PLCXD3: variants seen among roughly 807,000 people sequenced by gnomAD.
PLCXD3 encodes phosphatidylinositol specific phospholipase C X domain containing 3.
Under a neutral mutation model 25.5 loss-of-function variants are expected in PLCXD3, and 19 were observed. The observed-to-expected ratio is 0.75, with a 90% CI of 0.52 to 1.09. The LOEUF (loss-of-function observed/expected upper bound fraction) is 1.09, where lower values mean the gene tolerates loss of function less well. PLCXD3 is among the 50% of genes least tolerant of loss of function. The pLI, the probability that PLCXD3 is intolerant of heterozygous loss-of-function variation, is 0.00. For synonymous variants in PLCXD3, 174 were observed against 137.6 expected (o/e 1.26, Z -1.85); for missense variants, 411 against 388.1 (o/e 1.06, Z -0.50).
chr5:41,507,520 A>C (rs1749073164), intron 1 of PLCXD3, among the ~76,000 whole-genome samples: 1 of 152,242 alleles, frequency 6.6e-6, no homozygotes, highest in Non-Finnish European at 1.5e-5. Flanking sequence ...TTACTCTGAA[A>C]CCATTCAAAC....
At chr5:41,455,677 G>T (rs1561278659) in intron 1 of PLCXD3, among the ~76,000 whole-genome samples, 1 of 151,934 alleles carries the variant, frequency 6.6e-6, no homozygotes, top group Non-Finnish European at 1.5e-5. Flanking sequence ...AACATGAAAG[G>T]GCAATCCTAC....
At chr5:41,320,468 A>G (rs973889102) in intron 2 of PLCXD3, among the ~76,000 whole-genome samples, 1 of 152,228 alleles carries the variant, frequency 6.6e-6, no homozygotes, top group Non-Finnish European at 1.5e-5. Context: ...GTGGTTCAAC[A>G]TATGCAAATC....
intron 1 of PLCXD3, among the ~76,000 whole-genome samples, chr5:41,499,927 C>T (rs1394018744): frequency 2.0e-5 from 3 of 151,592 alleles, no homozygotes; most frequent in Non-Finnish European, 4.4e-5. Flanking sequence ...AACTAGATAT[C>T]CACATGAGAA....
intron 2 of PLCXD3, among the ~76,000 whole-genome samples, chr5:41,346,739 G>A (rs991999929): frequency 6.6e-6 from 1 of 152,160 alleles, no homozygotes; most frequent in African/African-American, 2.4e-5. Flanking sequence ...TCATATGGTT[G>A]AACTTACATG....
Position 41,487,986 on chromosome 5 carries a change from A to C in PLCXD3, c.103+22438T>G, listed in dbSNP as rs139906381. ...CAATGTGCAGGTTAGTTACATATGT[A>C]TACATGTGGCATGCTGGTGTACTGC... On this transcript the variant is annotated intron_variant, in intron 1 of 2. Coordinates refer to ENST00000377801, the MANE Select transcript of PLCXD3 (RefSeq NM_001005473.3). 5.4e-3 allele frequency among the ~76,000 whole-genome samples: 813 copies of C among 151,716 alleles called. 4 individuals are homozygous for C. Among genetic ancestry groups the C allele is most frequent in the African/African-American group, 0.018 (739 of 41,284 alleles).
intron 1 of PLCXD3, among the ~76,000 whole-genome samples, chr5:41,430,075 T>C (rs1038520303): frequency 6.6e-6 from 1 of 152,180 alleles, no homozygotes; most frequent in Non-Finnish European, 1.5e-5. Flanking sequence ...ACTTTGCTGC[T>C]TGCTAGATGT....
chr5:41,509,696 A>G (rs1738989851), intron 1 of PLCXD3, among the ~76,000 whole-genome samples: 1 of 152,192 alleles, frequency 6.6e-6, no homozygotes, highest in Non-Finnish European at 1.5e-5. Context: ...CAGTAAACAT[A>G]CGGTCCGCAA....
In PLCXD3 at chr5:41,307,790, C is replaced by T. The variant is rs1038518092; in HGVS notation, c.*5827G>A. 19 of 152,022 alleles carry T rather than the reference C, an allele frequency of 1.2e-4. No individual in the cohort carries two copies. Among genetic ancestry groups the T allele is most frequent in the African/African-American group, 3.9e-4 (16 of 41,396 alleles). 9.4% of individuals were successfully genotyped at this position (152,022 alleles called of 1,614,324 possible). A position where few individuals can be genotyped will look rare whatever the true frequency, so the allele number is the denominator to read the frequency against. On this transcript the variant is annotated 3_prime_UTR_variant, in exon 3 of 3. Transcript: ENST00000377801. Reference sequence around the variant, plus strand: ...ATGTGAATGGGGGAAATAATGAATTCGTTTGTTATCTCTCTGAAAGAAAAA... The same window carrying T: ...ATGTGAATGGGGGAAATAATGAATTTGTTTGTTATCTCTCTGAAAGAAAAA...
chr5:41,349,076 A>G (rs1209474887), intron 2 of PLCXD3, among the ~76,000 whole-genome samples: 1 of 152,194 alleles, frequency 6.6e-6, no homozygotes, highest in East Asian at 1.9e-4. Flanking sequence ...CCATCTACAG[A>G]TACTGACAGT....
chr5:41,333,297 G>A (rs1016362926), intron 2 of PLCXD3, among the ~76,000 whole-genome samples: 7 of 152,056 alleles, frequency 4.6e-5, no homozygotes, highest in African/African-American at 1.7e-4. Context: ...AGTCAACTGT[G>A]ACAGATTTTC....
rs764667385 is a variant in PLCXD3 at position 41,451,639 on chromosome 5, C to CT, written c.103+58784dup. Among the ~76,000 whole-genome samples, 763 of 147,874 alleles carry CT rather than the reference C, an allele frequency of 5.2e-3. 5 individuals are homozygous for CT. The highest frequency in any genetic ancestry group is 0.027 in the East Asian group (136 of 5,050). ...CTGGTAGATCTGAGATCTTTCCTCT[C>CT]TCTTTTTTTTTTTTATGTTGGATGT... On this transcript the variant is annotated intron_variant, in intron 1 of 2. Coordinates refer to ENST00000377801, the MANE Select transcript of PLCXD3 (RefSeq NM_001005473.3).
chr5:41,481,761 G>A (rs907188978), intron 1 of PLCXD3, among the ~76,000 whole-genome samples: 1 of 152,200 alleles, frequency 6.6e-6, no homozygotes, highest in Non-Finnish European at 1.5e-5. Flanking sequence ...AGCTTCTGGG[G>A]CACTGCTTTG....
In PLCXD3 at chr5:41,308,250, C is replaced by A. The variant is rs532108121; in HGVS notation, c.*5367G>T. On this transcript the variant is annotated 3_prime_UTR_variant, in exon 3 of 3. Coordinates refer to ENST00000377801, the MANE Select transcript of PLCXD3 (RefSeq NM_001005473.3). ...GAGATTTAGGAAAAAATATATAGGACATACCCAGTTACATTTGAATTTCAG... is the reference window on the plus strand; with the variant it reads ...GAGATTTAGGAAAAAATATATAGGAAATACCCAGTTACATTTGAATTTCAG... 5.7e-4 allele frequency: 86 copies of A among 152,208 alleles called. No homozygotes were observed. The highest frequency in any genetic ancestry group is 1.9e-3 in the African/African-American group (80 of 41,538). The allele number at this position is 152,208 out of a possible 1,614,324, so 9.4% of individuals were successfully genotyped here.
At chr5:41,487,562 G>A (rs1748546125) in intron 1 of PLCXD3, among the ~76,000 whole-genome samples, 1 of 152,126 alleles carries the variant, frequency 6.6e-6, no homozygotes, top group African/African-American at 2.4e-5. Flanking sequence ...AACAAATAAA[G>A]TAGTTATTCA....
At chr5:41,469,138 G>T (rs144617647) in intron 1 of PLCXD3, among the ~76,000 whole-genome samples, 1 of 152,176 alleles carries the variant, frequency 6.6e-6, no homozygotes, top group Non-Finnish European at 1.5e-5. Flanking sequence ...GATGATCATA[G>T]GATAGTTATC....
At chr5:41,461,537 A>G (rs1271124263) in intron 1 of PLCXD3, among the ~76,000 whole-genome samples, 1 of 152,040 alleles carries the variant, frequency 6.6e-6, no homozygotes, top group African/African-American at 2.4e-5. Flanking sequence ...GCTGGGTTAC[A>G]GGAGCATTTG....
chr5:41,377,364 C>A (rs1441298914), intron 2 of PLCXD3, among the ~76,000 whole-genome samples: 1 of 151,774 alleles, frequency 6.6e-6, no homozygotes, highest in Non-Finnish European at 1.5e-5. Flanking sequence ...TTGGCCTGTA[C>A]AAATATGGTC....
At chr5:41,437,062 C>T (rs1412837210) in intron 1 of PLCXD3, among the ~76,000 whole-genome samples, 1 of 152,158 alleles carries the variant, frequency 6.6e-6, no homozygotes, top group Non-Finnish European at 1.5e-5. Flanking sequence ...AATGTTAGCT[C>T]CCATGCCCAT....
chr5:41,402,624 A>C (rs1264238250), intron 1 of PLCXD3, among the ~76,000 whole-genome samples: 1 of 151,768 alleles, frequency 6.6e-6, no homozygotes, highest in Non-Finnish European at 1.5e-5. Flanking sequence ...TTAATTTTCT[A>C]TCTGTTTTAT....
Sources: gnomAD v4.1 joint callset for allele counts (sites outside exome capture counted in the v4.1 genomes callset) on GRCh38, gnomAD v4.1.1 for gene constraint, MANE v1.5 for transcripts, NCBI Gene and HGNC (gene_info 2026-07-23, HGNC 2026-07-21) for gene names.